FAM124A: variants seen among roughly 807,000 people sequenced by gnomAD.
FAM124A encodes family with sequence similarity 124 member A.
FAM124A carries 23 observed loss-of-function variants against 24.5 expected under a neutral mutation model. That is an observed-to-expected ratio of 0.94 (90% confidence interval 0.68 to 1.33). The LOEUF is 1.33. Ranked by LOEUF, FAM124A falls within the 40% of genes most tolerant of loss-of-function variation. The pLI is 0.00. For synonymous variants in FAM124A, 287 were observed against 314.7 expected (o/e 0.91, Z 0.93); for missense variants, 623 against 722.8 (o/e 0.86, Z 1.58).
chr13:51,227,096 TAATAAA>T (rs1954322518), intron 1 of FAM124A, among the ~76,000 whole-genome samples: 1 of 152,240 alleles, frequency 6.6e-6, no homozygotes. Flanking sequence ...GAGTTTTATT[TAATAAA>T]AATGGTGAAC....
Position 51,272,007 on chromosome 13 carries a change from A to G in FAM124A, c.835-8443A>G, listed in dbSNP as rs1055167697. Among the ~76,000 whole-genome samples the G allele has an allele frequency of 6.6e-6, 1 of 152,160 alleles. No individual in the cohort carries two copies. The highest frequency in any genetic ancestry group is 2.4e-5 in the African/African-American group (1 of 41,426). On this transcript the variant is annotated intron_variant, in intron 3 of 3. Transcript: ENST00000322475. The surrounding 1 kb of genome is among the most constrained non-coding windows in gnomAD (Gnocchi z 4.2). ...CACTGCTTTTGAGTTTTCGTAATCC[A>G]TTTTTATTATGTCAAGTAGTCGGGG...
intron 3 of FAM124A, among the ~76,000 whole-genome samples, chr13:51,268,249 A>C (rs1332494855): frequency 3.3e-5 from 5 of 152,230 alleles, no homozygotes; most frequent in Non-Finnish European, 7.3e-5. Context: ...TTAGGAGACA[A>C]ATTCAGTTCT....
At chr13:51,268,580 G>A (rs1046936462) in intron 3 of FAM124A, among the ~76,000 whole-genome samples, 1 of 152,140 alleles carries the variant, frequency 6.6e-6, no homozygotes, top group African/African-American at 2.4e-5. Context: ...GCAGGATCAG[G>A]GTCCTGTAGC....
rs569946592 is a variant in FAM124A, at chr13:51,243,456, C to G, written c.101-8012C>G. Among the ~76,000 whole-genome samples, 7 of 152,292 alleles carry G rather than the reference C, an allele frequency of 4.6e-5. No individual in the cohort carries two copies. In the East Asian group the frequency reaches 1.3e-3, roughly 29 times the overall value. On this transcript the variant is annotated intron_variant, in intron 2 of 3. Transcript: ENST00000322475. ...GAATGCCTCAATGTGGGGAGGCTAG[C>G]CCTCTGCAAGTTTTGTGTTCAGCGT...
rs1179926144 is a variant in FAM124A at position 51,258,538 on chromosome 13, T to A, written c.834+6337T>A. On this transcript the variant is annotated intron_variant, in intron 3 of 3. Transcript: ENST00000322475. The surrounding 1 kb of genome is among the most constrained non-coding windows in gnomAD (Gnocchi z 4.2). ...AGCCCCTTATGCCAGGCTTCACCTTTCAGAGCAATGGAGATGGCAGACATG... is the reference window on the plus strand; with the variant it reads ...AGCCCCTTATGCCAGGCTTCACCTTACAGAGCAATGGAGATGGCAGACATG... 2.0e-5 allele frequency among the ~76,000 whole-genome samples: 3 copies of A among 152,194 alleles called. No homozygotes were observed. The highest frequency in any genetic ancestry group is 2.9e-5 in the Non-Finnish European group (2 of 68,036).
chr13:51,275,253 C>T (rs1954875919), intron 3 of FAM124A, among the ~76,000 whole-genome samples: 1 of 151,876 alleles, frequency 6.6e-6, no homozygotes, highest in Non-Finnish European at 1.5e-5. Context: ...TATCACATGC[C>T]TTTAGCTCTA....
chr13:51,263,827 T>C (rs1324493742), intron 3 of FAM124A, among the ~76,000 whole-genome samples: 1 of 152,086 alleles, frequency 6.6e-6, no homozygotes, highest in Non-Finnish European at 1.5e-5. Flanking sequence ...GACTAAGAGA[T>C]CAGAAAGTAA....
intron 1 of FAM124A, among the ~76,000 whole-genome samples, chr13:51,229,971 C>A (rs1219601501): frequency 6.6e-6 from 1 of 152,180 alleles, no homozygotes. Flanking sequence ...AGTCCTTCCT[C>A]TCCACCCACC....
intron 2 of FAM124A, among the ~76,000 whole-genome samples, chr13:51,243,422 C>T (rs1326657267): frequency 1.3e-5 from 2 of 152,176 alleles, no homozygotes; most frequent in Non-Finnish European, 2.9e-5. Context: ...TTGTTTCTGG[C>T]GTTCTGGGGA....
rs79459557 is a variant in FAM124A at position 51,259,994 on chromosome 13, G to C, written c.834+7793G>C. Among the ~76,000 whole-genome samples, 666 of 152,222 alleles carry C rather than the reference G, an allele frequency of 4.4e-3. 16 individuals carry two copies. The East Asian group carries it at 0.063, about 15-fold the overall frequency. Reference sequence around the variant, plus strand: ...CGGCAGAGGGGGCGGTTCAGAGGCAGTTCCTGGGTGTGTGCAGAGTGAGGA... The same window carrying C: ...CGGCAGAGGGGGCGGTTCAGAGGCACTTCCTGGGTGTGTGCAGAGTGAGGA... On this transcript the variant is annotated intron_variant, in intron 3 of 3. Coordinates refer to ENST00000322475, the MANE Select transcript of FAM124A (RefSeq NM_001242312.2).
chr13:51,279,956 G>C (rs1014325730), intron 3 of FAM124A, among the ~76,000 whole-genome samples: 1 of 152,120 alleles, frequency 6.6e-6, no homozygotes, highest in African/African-American at 2.4e-5. Flanking sequence ...CACCCCATGT[G>C]GATCTGGTCT....
At chr13:51,229,982 G>A (rs1954358090) in intron 1 of FAM124A, among the ~76,000 whole-genome samples, 1 of 152,034 alleles carries the variant, frequency 6.6e-6, no homozygotes, top group Non-Finnish European at 1.5e-5. Flanking sequence ...TCCACCCACC[G>A]TGCACACTCA....
chr13:51,224,701 C>T (rs375298518), intron 1 of FAM124A, among the ~76,000 whole-genome samples: 1 of 152,270 alleles, frequency 6.6e-6, no homozygotes. Flanking sequence ...TAGAAGACAA[C>T]AAGTGTTTGC....
chr13:51,255,129 G>A (rs1954662250), intron 3 of FAM124A, among the ~76,000 whole-genome samples: 1 of 152,070 alleles, frequency 6.6e-6, no homozygotes, highest in African/African-American at 2.4e-5. Context: ...ATATTTATAA[G>A]TGGATCTCAC....
intron 1 of FAM124A, among the ~76,000 whole-genome samples, chr13:51,230,512 G>C (rs1954363563): frequency 6.6e-6 from 1 of 152,166 alleles, no homozygotes; most frequent in Non-Finnish European, 1.5e-5. Flanking sequence ...GTGCTAAAGT[G>C]ATTAATTTCC....
intron 3 of FAM124A, among the ~76,000 whole-genome samples, chr13:51,277,618 C>A (rs947884153): frequency 3.9e-5 from 6 of 152,170 alleles, no homozygotes; most frequent in African/African-American, 1.4e-4. Context: ...CATGGTGAAA[C>A]CTTGTCTCTA....
rs183181635 is a variant in FAM124A, at chr13:51,281,168, C to A, written c.1553C>A (p.Pro518His). The A allele has an allele frequency of 1.1e-5, 18 of 1,613,662 alleles. No individual in the cohort carries two copies. Among genetic ancestry groups the A allele is most frequent in the Non-Finnish European group, 2.5e-6 (3 of 1,179,946 alleles). ...TCCCCACAGCTCCCATGCGATACCC[C>A]CAAAGTCAAGCAGACTGATGGAGAC... ...DSSPQLPCDT[P>H]KVKQTDGDMP... Residue 518 changes from proline (P) to histidine (H), a missense_variant, in exon 4 of 4, where the codon CCC becomes CAC. Physicochemically the swap from Pro to His is moderately conservative, Grantham distance 77. Transcript: ENST00000322475.
chr13:51,263,167 C>G (rs759657570), intron 3 of FAM124A, among the ~76,000 whole-genome samples: 11 of 152,190 alleles, frequency 7.2e-5, no homozygotes, highest in Non-Finnish European at 1.6e-4. Context: ...GAGTGAAGAT[C>G]TCCAGGCCCA....
intron 2 of FAM124A, among the ~76,000 whole-genome samples, chr13:51,247,529 TG>T (rs1280993067): frequency 1.3e-5 from 2 of 152,194 alleles, no homozygotes; most frequent in Non-Finnish European, 2.9e-5. Flanking sequence ...CATGCACACC[TG>T]GGGGTGGGAT....
Sources: gnomAD v4.1 joint callset for allele counts (sites outside exome capture counted in the v4.1 genomes callset) on GRCh38, gnomAD v4.1.1 for gene constraint, Gnocchi (gnomAD v3.1) non-coding constraint, MANE v1.5 for transcripts, NCBI Gene and HGNC (gene_info 2026-07-23, HGNC 2026-07-21) for gene names.